The following NUCB2 variants were observed in gnomAD, a reference collection of about 807,000 sequenced individuals.
The protein encoded by NUCB2 is nucleobindin-2.
NUCB2 carries 48 observed loss-of-function variants against 57.9 expected under a neutral mutation model. The ratio of observed to expected loss-of-function variants is 0.83; its 90% confidence interval spans 0.66 to 1.05. NUCB2 has a LOEUF of 1.05. Among genes scored for constraint, NUCB2 ranks in the 50% least tolerant of loss-of-function variants. The pLI is 0.00. For missense variants in NUCB2, 442 were observed against 476.2 expected (o/e 0.93, Z 0.67); for synonymous variants, 139 against 152.1 (o/e 0.91, Z 0.64).
intron 1 of NUCB2, among the ~76,000 whole-genome samples, chr11:17,279,985 G>C (rs1372563664): frequency 6.6e-6 from 1 of 151,882 alleles, no homozygotes; most frequent in Non-Finnish European, 1.5e-5. Context: ...TAGAGAAGAG[G>C]CCTCGCCATG....
chr11:17,330,893 A>T lies in NUCB2; in HGVS notation c.1174-9A>T. 2.6e-6 allele frequency: 4 copies of T among 1,541,474 alleles called. No individual in the cohort carries two copies. Among genetic ancestry groups the T allele is most frequent in the Non-Finnish European group, 3.6e-6 (4 of 1,114,102 alleles). On this transcript the variant is annotated splice_polypyrimidine_tract_variant and intron_variant, in intron 12 of 13. Coordinates refer to ENST00000529010, the MANE Select transcript of NUCB2 (RefSeq NM_005013.4). The surrounding 1 kb of genome is among the most constrained non-coding windows in gnomAD (Gnocchi z 4.3). ...GTTATACTTTTAACTTTCATTTTCCATTCACCAGGTCATACAGCAGATGGA... is the reference window on the plus strand; with the variant it reads ...GTTATACTTTTAACTTTCATTTTCCTTTCACCAGGTCATACAGCAGATGGA...
chr11:17,299,758 A>G (rs1442878620), intron 4 of NUCB2, among the ~76,000 whole-genome samples: 1 of 151,890 alleles, frequency 6.6e-6, no homozygotes, highest in African/African-American at 2.4e-5. Context: ...ACAAAAATTA[A>G]TCAGGCATGG....
In NUCB2 at chr11:17,330,539, G is replaced by C. The variant is rs1951265845; in HGVS notation, c.1173+242G>C. On this transcript the variant is annotated intron_variant, in intron 12 of 13. Transcript: ENST00000529010. This position sits in a 1 kb window ranked among gnomAD's most constrained non-coding sequence, Gnocchi z 4.3. ...GCTGGAGTATAGTGCTGTGATCATAGCTCACTGCAGCCTCAAACTCCTGGG... is the reference window on the plus strand; with the variant it reads ...GCTGGAGTATAGTGCTGTGATCATACCTCACTGCAGCCTCAAACTCCTGGG... Among the ~76,000 whole-genome samples, 1 of 152,080 alleles carries C rather than the reference G, an allele frequency of 6.6e-6. No homozygotes were observed. The highest frequency in any genetic ancestry group is 1.5e-5 in the Non-Finnish European group (1 of 68,026).
At chr11:17,304,195 TA>T (rs1369410019) in intron 5 of NUCB2, among the ~76,000 whole-genome samples, 1 of 151,798 alleles carries the variant, frequency 6.6e-6, no homozygotes, top group East Asian at 1.9e-4. Context: ...TTTTTAATTT[TA>T]ATTTTTTTTT....
intron 2 of NUCB2, among the ~76,000 whole-genome samples, chr11:17,288,477 G>T (rs1459698179): frequency 6.6e-6 from 1 of 151,386 alleles, no homozygotes; most frequent in Non-Finnish European, 1.5e-5. Flanking sequence ...ACAGGTGCAA[G>T]CCACTGCACC....
intron 11 of NUCB2, among the ~76,000 whole-genome samples, chr11:17,321,601 CT>C (rs1309980666): frequency 6.6e-6 from 1 of 152,132 alleles, no homozygotes; most frequent in Non-Finnish European, 1.5e-5. Flanking sequence ...AATTTCCTTT[CT>C]TTTGGGTTAA....
rs780418248 is a variant in NUCB2, at chr11:17,330,215, A to G, written c.1091A>G (p.Lys364Arg). 4.3e-6 allele frequency: 7 copies of G among 1,610,462 alleles called. No individual in the cohort carries two copies. Among genetic ancestry groups the G allele is most frequent in the Non-Finnish European group, 5.1e-6 (6 of 1,177,684 alleles). ...TTACAAGAAAATGAACTTAAGAAGA[A>G]GGCAGATGAGCTTCAGAAACAAAAA... is the stretch of plus-strand genomic sequence containing the variant. ...IALQENELKKKADELQKQKEE... is the reference protein window; with the variant it reads ...IALQENELKKRADELQKQKEE... The change falls in exon 12 of 14, where the codon AAG becomes AGG. Residue 364 changes from lysine to arginine, a missense_variant. Transcript: ENST00000529010. The surrounding 1 kb of genome is among the most constrained non-coding windows in gnomAD (Gnocchi z 4.3).
At chr11:17,306,473 A>C (rs1002480712) in intron 5 of NUCB2, among the ~76,000 whole-genome samples, 1 of 152,360 alleles carries the variant, frequency 6.6e-6, no homozygotes, top group East Asian at 1.9e-4. Flanking sequence ...ATGCCATGCT[A>C]CTTGGGGTAG....
intron 2 of NUCB2, among the ~76,000 whole-genome samples, chr11:17,294,291 C>T (rs1051398262): frequency 5.3e-5 from 8 of 151,970 alleles, no homozygotes; most frequent in South Asian, 2.1e-4. Context: ...GGTTCCTGGC[C>T]CCCACCCCAG....
At chr11:17,302,238 G>T (rs562287901) in intron 5 of NUCB2, among the ~76,000 whole-genome samples, 1 of 152,178 alleles carries the variant, frequency 6.6e-6, no homozygotes, top group South Asian at 2.1e-4. Context: ...ATATTAGTAC[G>T]TGCCATCTAT....
chr11:17,330,163 C>T lies in NUCB2; in HGVS notation c.1039C>T (p.Leu347=). Residue 347 remains leucine (L), a synonymous_variant, in exon 12 of 14, where the codon CTA becomes TTA. Transcript: ENST00000529010. The surrounding 1 kb of genome is among the most constrained non-coding windows in gnomAD (Gnocchi z 4.3). The part of the protein sequence containing the change: ...DQQQFFTEEE[L]KEYENIIALQ... ...GCAACAGTTCTTCACAGAGGAAGAA[C>T]TAAAAGAATATGAAAATATTATTGC... 6.4e-7 allele frequency: 1 copy of T among 1,571,718 alleles called. No homozygotes were observed. Among genetic ancestry groups the T allele is most frequent in the Non-Finnish European group, 8.7e-7 (1 of 1,148,294 alleles).
At chr11:17,335,366 G>C (rs149187891), downstream of NUCB2, among the ~76,000 whole-genome samples, 47 of 151,972 alleles carry the variant, frequency 3.1e-4, no homozygotes, top group African/African-American at 1.1e-3. Flanking sequence ...AGTAAATGAT[G>C]GATATTAATG....
intron 4 of NUCB2, among the ~76,000 whole-genome samples, chr11:17,299,245 A>G (rs1273260580): frequency 3.9e-5 from 6 of 152,170 alleles, no homozygotes; most frequent in African/African-American, 7.2e-5. Flanking sequence ...TTGTTAAAAC[A>G]TATTGCTGTT....
chr11:17,291,853 A>G (rs921114215), intron 2 of NUCB2, among the ~76,000 whole-genome samples: 32 of 152,064 alleles, frequency 2.1e-4, no homozygotes, highest in Non-Finnish European at 3.8e-4. Flanking sequence ...TTTCTTTGCT[A>G]GTTCATTTTC....
chr11:17,334,984 T>C (rs1390401083), downstream of NUCB2, among the ~76,000 whole-genome samples: 1 of 152,134 alleles, frequency 6.6e-6, no homozygotes, highest in Non-Finnish European at 1.5e-5. Flanking sequence ...AATTTTTAGA[T>C]GATCATTGCA....
intron 2 of NUCB2, among the ~76,000 whole-genome samples, chr11:17,344,190 G>GT (rs1203166005): frequency 1.3e-5 from 2 of 152,106 alleles, no homozygotes; most frequent in African/African-American, 2.4e-5. Flanking sequence ...TCCCTGTTCA[G>GT]TTCTTTGACT....
intron 11 of NUCB2, among the ~76,000 whole-genome samples, chr11:17,325,863 A>G (rs932849719): frequency 4.6e-5 from 7 of 152,156 alleles, no homozygotes; most frequent in African/African-American, 1.7e-4. Flanking sequence ...GGTTACCATG[A>G]GGCCTGCAAA....
At chr11:17,279,256 T>C (rs984179308) in intron 1 of NUCB2, among the ~76,000 whole-genome samples, 1 of 152,170 alleles carries the variant, frequency 6.6e-6, no homozygotes, top group African/African-American at 2.4e-5. Context: ...AAAACTTCAA[T>C]CACTTTCATT....
intron 5 of NUCB2, among the ~76,000 whole-genome samples, chr11:17,306,772 G>A (rs1226103533): frequency 6.6e-6 from 1 of 152,032 alleles, no homozygotes; most frequent in Non-Finnish European, 1.5e-5. Context: ...CAAAAAAATA[G>A]CCAGATGTGG....
Sources: allele counts gnomAD v4.1 joint callset (sites outside exome capture counted in the v4.1 genomes callset), GRCh38; gene constraint gnomAD v4.1.1; non-coding constraint Gnocchi (gnomAD v3.1); transcripts MANE v1.5; gene names NCBI Gene and HGNC (gene_info 2026-07-23, HGNC 2026-07-21).